TNFRSF10B: variants seen among roughly 807,000 people sequenced by gnomAD.
TNFRSF10B encodes the protein tumor necrosis factor receptor superfamily member 10B.
In TNFRSF10B, 35 loss-of-function variants were observed where a neutral mutation model predicts 41.4. The ratio of observed to expected loss-of-function variants is 0.85; its 90% CI spans 0.65 to 1.12. TNFRSF10B has a LOEUF of 1.12. Ranked by LOEUF, TNFRSF10B falls within the 50% of genes most tolerant of loss-of-function variation. The pLI is 0.00. For missense variants in TNFRSF10B, 584 were observed against 552.7 expected, an observed-to-expected ratio of 1.06 and a Z score of -0.57; for synonymous variants, 230 against 215.5, an observed-to-expected ratio of 1.07 and a Z score of -0.59.
intron 2 of TNFRSF10B, among the ~76,000 whole-genome samples, chr8:23,033,447 C>T (rs1358878224): frequency 5.3e-5 from 8 of 151,504 alleles, no homozygotes; most frequent in Admixed American, 2.0e-4. Context: ...ATTAGCCGGG[C>T]GAGGTGGCGG....
chr8:23,057,318 T>C (rs1433403153), intron 1 of TNFRSF10B, among the ~76,000 whole-genome samples: 1 of 151,534 alleles, frequency 6.6e-6, no homozygotes, highest in African/African-American at 2.4e-5. Flanking sequence ...GTGCTGGGAT[T>C]ACAGGCGTGA....
rs371039470 is a variant in TNFRSF10B at position 23,029,602 on chromosome 8, T to C, written c.476+8A>G. On this transcript the variant is annotated splice_region_variant and intron_variant, in intron 4 of 8. Transcript: ENST00000276431. ...GGAGCTACTGGGAGCCCCCGGCTCC[T>C]GTCTCACCCTGTGCGGCACTTCCGG... 560 of 1,606,540 alleles carry C rather than the reference T, an allele frequency of 3.5e-4. No homozygotes were observed. The highest frequency in any genetic ancestry group is 4.1e-4 in the Non-Finnish European group (483 of 1,176,034).
chr8:23,058,631 A>G (rs1049567981), intron 1 of TNFRSF10B, among the ~76,000 whole-genome samples: 2 of 152,024 alleles, frequency 1.3e-5, no homozygotes, highest in Non-Finnish European at 2.9e-5. Context: ...GACTACAGGC[A>G]TGCATCACAA....
chr8:23,048,706 GATTTA>G (rs2128817554), intron 1 of TNFRSF10B, among the ~76,000 whole-genome samples: 1 of 152,292 alleles, frequency 6.6e-6, no homozygotes, highest in East Asian at 1.9e-4. Context: ...CATATTAGCT[GATTTA>G]ATTATTCCAT....
intron 1 of TNFRSF10B, among the ~76,000 whole-genome samples, chr8:23,043,700 G>C (rs1247544620): frequency 1.3e-5 from 2 of 152,146 alleles, no homozygotes; most frequent in Admixed American, 1.3e-4. Context: ...TGGGATACAG[G>C]ATCAAACATT....
At chr8:23,041,615 A>C (rs1259149818) in intron 2 of TNFRSF10B, among the ~76,000 whole-genome samples, 7 of 152,184 alleles carry the variant, frequency 4.6e-5, no homozygotes, top group South Asian at 4.1e-4. Context: ...AAAAAAAAAA[A>C]AAAAAAAACC....
chr8:23,059,075 T>C, intron 1 of TNFRSF10B, among the ~76,000 whole-genome samples: 1 of 152,272 alleles, frequency 6.6e-6, no homozygotes, highest in East Asian at 1.9e-4. Context: ...TTGACTACAT[T>C]AGGTACCTCA....
At chr8:23,037,179 C>A (rs1812052684) in intron 2 of TNFRSF10B, among the ~76,000 whole-genome samples, 1 of 152,176 alleles carries the variant, frequency 6.6e-6, no homozygotes, top group Admixed American at 6.5e-5. Context: ...CAGTCAGCTT[C>A]TTTCCCAGCC....
chr8:23,024,371 T>C (rs1811639660), intron 7 of TNFRSF10B, 111 bp from the exon 8 acceptor site: 4 of 1,218,346 alleles, frequency 3.3e-6, no homozygotes, highest in African/African-American at 1.5e-5. Context: ...TTCCAGAACA[T>C]TGTTCTGAAA....
At chr8:23,027,945 A>G in intron 5 of TNFRSF10B, 192 bp from the exon 6 acceptor site, 1 of 660,690 alleles carries the variant, frequency 1.5e-6, no homozygotes, top group Non-Finnish European at 2.6e-6. Flanking sequence ...AACTAGAGTA[A>G]AAACAAACAC....
chr8:23,028,434 G>C lies in TNFRSF10B; in HGVS notation c.645C>G (p.Ile215Met). ...PASPCSLSGI[I>M]IGVTVAAVVL... ...CTACGGCTGCAACTGTGACTCCTAT[G>C]ATGATGCCTGAGAGAGAACAGGGAG... Residue 215 changes from isoleucine (I) to methionine (M), a missense_variant, in exon 5 of 9, where the codon ATC becomes ATG. Ile to Met is a conservative substitution (Grantham distance 10). Transcript: ENST00000276431. The C allele has an allele frequency of 6.2e-7, 1 of 1,614,194 alleles. No homozygotes were observed. The highest frequency in any genetic ancestry group is 1.7e-5 in the Admixed American group (1 of 60,028).
chr8:23,040,944 T>C (rs1327569020), intron 2 of TNFRSF10B, among the ~76,000 whole-genome samples: 2 of 152,280 alleles, frequency 1.3e-5, no homozygotes, highest in East Asian at 3.9e-4. Context: ...TGTCAAATAA[T>C]AATGTGTCTT....
chr8:23,020,423 T>A lies in TNFRSF10B; in HGVS notation c.*2248A>T. On this transcript the variant is annotated 3_prime_UTR_variant, in exon 9 of 9. Transcript: ENST00000276431. ...CTTTAAAAGAATAGCTTGGCCTGGC[T>A]GGTGGCTCACGCCTGTAATCCCAGC... is the stretch of plus-strand genomic sequence containing the variant. The A allele has an allele frequency of 2.2e-6, 1 of 454,112 alleles. No individual in the cohort carries two copies. Among genetic ancestry groups the A allele is most frequent in the South Asian group, 1.6e-5 (1 of 64,476 alleles). The allele number at this position is 454,112 out of a possible 1,614,324, so 28.1% of individuals were successfully genotyped here. A position where few individuals can be genotyped will look rare whatever the true frequency, so the allele number is the denominator to read the frequency against.
At chr8:23,023,822 T>G (rs1320351521) in intron 8 of TNFRSF10B, among the ~76,000 whole-genome samples, 4 of 152,194 alleles carry the variant, frequency 2.6e-5, no homozygotes, top group Admixed American at 1.3e-4. Context: ...CTCTGCAAAT[T>G]GGGCTGAGGC....
At chr8:23,024,047 G>T in intron 8 of TNFRSF10B, 141 bp downstream of exon 8, 1 of 1,001,066 alleles carries the variant, frequency 1.0e-6, no homozygotes, top group Non-Finnish European at 1.6e-6. Context: ...ACAGTTTAGG[G>T]TCCAGATGGT....
chr8:23,031,290 C>G (rs547569354), intron 2 of TNFRSF10B, among the ~76,000 whole-genome samples: 7 of 152,256 alleles, frequency 4.6e-5, no homozygotes, highest in Admixed American at 3.9e-4. Context: ...ATTGGCCAGG[C>G]TAGTCTCGAT....
chr8:23,037,346 T>C (rs1812056751), intron 2 of TNFRSF10B, among the ~76,000 whole-genome samples: 1 of 152,192 alleles, frequency 6.6e-6, no homozygotes, highest in South Asian at 2.1e-4. Context: ...AGTCCAACAC[T>C]GAGTCTCTGA....
In TNFRSF10B at chr8:23,039,411, G is replaced by A. The variant is rs1052358497; in HGVS notation, c.250+3727C>T. On this transcript the variant is annotated intron_variant, in intron 2 of 8. Coordinates refer to ENST00000276431, the MANE Select transcript of TNFRSF10B (RefSeq NM_003842.5). ...GATAGGCCAGCAGAGAAGAGTCACA[G>A]CTCAGGTCTGAAGGCTGCCTGCTGG... Among the ~76,000 whole-genome samples the A allele has an allele frequency of 9.9e-5, 15 of 152,182 alleles. No individual in the cohort carries two copies. The East Asian group carries it at 2.9e-3, about 29-fold the overall frequency.
At chr8:23,046,389 G>T (rs937275154) in intron 1 of TNFRSF10B, among the ~76,000 whole-genome samples, 1 of 152,032 alleles carries the variant, frequency 6.6e-6, no homozygotes, top group Admixed American at 6.5e-5. Context: ...TGAAAGACCT[G>T]TATGTTAAAA....
Sources: gnomAD v4.1 joint callset for allele counts (sites outside exome capture counted in the v4.1 genomes callset) on GRCh38, gnomAD v4.1.1 for gene constraint, MANE v1.5 for transcripts, NCBI Gene and HGNC (gene_info 2026-07-23, HGNC 2026-07-21) for gene names.